MAPRE1: variants seen among roughly 807,000 people sequenced by gnomAD.
MAPRE1 encodes microtubule-associated protein RP/EB family member 1.
A neutral mutation model predicts 32.1 loss-of-function variants in MAPRE1; 5 were observed. That is an observed-to-expected ratio of 0.16 (90% CI 0.08 to 0.33). The LOEUF (loss-of-function observed/expected upper bound fraction) is 0.33, where lower values mean the gene tolerates loss of function less well. Ranked by LOEUF, MAPRE1 falls within the 10% of genes least tolerant of loss-of-function variation. The pLI is 1.00. For synonymous variants in MAPRE1, 122 were observed against 118.9 expected (o/e 1.03, Z -0.17); for missense variants, 209 against 327.2 (o/e 0.64, Z 2.79).
At chr20:32,840,614 C>T (rs1177211095) in intron 5 of MAPRE1, among the ~76,000 whole-genome samples, 3 of 152,000 alleles carry the variant, frequency 2.0e-5, no homozygotes, top group Admixed American at 2.0e-4. Flanking sequence ...TGTGAGTCAC[C>T]ACGCCTGGCT....
chr20:32,820,898 A>G (rs1433832340), intron 1 of MAPRE1, among the ~76,000 whole-genome samples: 2 of 152,210 alleles, frequency 1.3e-5, no homozygotes, highest in African/African-American at 4.8e-5. Flanking sequence ...TGTCTCTAAC[A>G]GTAGTAATGA....
At chr20:32,845,500 C>CT in intron 5 of MAPRE1, among the ~76,000 whole-genome samples, 1 of 152,244 alleles carries the variant, frequency 6.6e-6, no homozygotes, top group East Asian at 1.9e-4. Flanking sequence ...GTGGTGTCAC[C>CT]TGATCCTCAT....
chr20:32,846,385 T>G (rs1366423231), intron 5 of MAPRE1, among the ~76,000 whole-genome samples: 1 of 152,206 alleles, frequency 6.6e-6, no homozygotes, highest in Non-Finnish European at 1.5e-5. Flanking sequence ...GAGAAGCTTC[T>G]ACATGTTTCA....
chr20:32,840,073 T>C (rs1395703152), intron 5 of MAPRE1, among the ~76,000 whole-genome samples: 1 of 152,214 alleles, frequency 6.6e-6, no homozygotes, highest in African/African-American at 2.4e-5. Flanking sequence ...GGCAGAAGCC[T>C]GTGCTCGGAA....
At position 32,833,807 on chromosome 20, in the gene MAPRE1, A is replaced by G; in HGVS notation, c.212A>G (p.Tyr71Cys). ...TTCCAAGCTAAGCTAGAACACGAGT[A>G]CATCCAGAACTTCAAAATACTACAA... ...VKFQAKLEHE[Y>C]IQNFKILQAG... is the part of the protein sequence containing the mutation. Residue 71 changes from tyrosine to cysteine, a missense_variant, in exon 3 of 7, where the codon TAC becomes TGC. Coordinates refer to ENST00000375571, the MANE Select transcript of MAPRE1 (RefSeq NM_012325.3). 6.2e-7 allele frequency: 1 copy of G among 1,614,076 alleles called. No homozygotes were observed. The highest frequency in any genetic ancestry group is 8.5e-7 in the Non-Finnish European group (1 of 1,179,944).
At chr20:32,842,193 C>T (rs1245016887) in intron 5 of MAPRE1, among the ~76,000 whole-genome samples, 1 of 152,194 alleles carries the variant, frequency 6.6e-6, no homozygotes, top group Non-Finnish European at 1.5e-5. Context: ...TCACGCCATT[C>T]TCCTGCTTCG....
At chr20:32,819,850 C>G (rs1433232113), upstream of MAPRE1, 1 of 149,178 alleles carries the variant, frequency 6.7e-6, no homozygotes, top group African/African-American at 2.5e-5. Context: ...CGGCGCGCGG[C>G]TGAGACCCTC....
intron 4 of MAPRE1, among the ~76,000 whole-genome samples, chr20:32,838,592 A>G (rs1189932969): frequency 1.3e-5 from 2 of 152,180 alleles, no homozygotes; most frequent in Non-Finnish European, 2.9e-5. Context: ...CTGTTTTCCA[A>G]AGTGCCTCAG....
intron 6 of MAPRE1, among the ~76,000 whole-genome samples, chr20:32,848,413 A>G (rs1009850376): frequency 5.3e-5 from 8 of 152,198 alleles, no homozygotes; most frequent in South Asian, 2.1e-4. Context: ...ACCTTTGATG[A>G]CATGGGTGAA....
At chr20:32,820,061 T>G (rs1380013662) in intron 1 of MAPRE1, 33 bp downstream of exon 1, 1 of 141,546 alleles carries the variant, frequency 7.1e-6, no homozygotes, top group South Asian at 2.3e-4. Context: ...GGGGTGCGGC[T>G]GGGGGGGCGG....
In MAPRE1 at chr20:32,830,739, C is replaced by CTT. The variant is rs5841119; in HGVS notation, c.122-2964_122-2963dup. Among the ~76,000 whole-genome samples, 166 of 141,838 alleles carry CTT rather than the reference C, an allele frequency of 1.2e-3. 1 individual carries two copies. The highest frequency in any genetic ancestry group is 1.6e-3 in the Admixed American group (22 of 14,120). The allele number at this position is 141,838 out of a possible 152,430, so 93.1% of individuals were successfully genotyped here. ...CTGATCAAGGAAGTATCTCTTCAAA[C>CTT]TTTTTTTTTTTTTTTGAGGCGGAGT... On this transcript the variant is annotated intron_variant, in intron 2 of 6. Transcript: ENST00000375571.
At position 32,833,775 on chromosome 20, in the gene MAPRE1, A is replaced by G. The variant is rs750880538; in HGVS notation, c.180A>G (p.Lys60=). ...MLFPGSIALK[K]VKFQAKLEHE... is the part of the protein sequence containing the mutation. ...TCCCTGGCTCCATTGCCTTGAAGAA[A>G]GTGAAATTCCAAGCTAAGCTAGAAC... Residue 60 remains lysine (K), a synonymous_variant, in exon 3 of 7, where the codon AAA becomes AAG. Transcript: ENST00000375571. 6.2e-7 allele frequency: 1 copy of G among 1,614,142 alleles called. No individual in the cohort carries two copies. Among genetic ancestry groups the G allele is most frequent in the South Asian group, 1.1e-5 (1 of 91,084 alleles).
intron 5 of MAPRE1, among the ~76,000 whole-genome samples, chr20:32,845,211 T>G (rs2268322): frequency 0.16 from 23,534 of 151,824 alleles, 2,117 homozygotes; most frequent in East Asian, 0.35. Context: ...TGGCTAATTT[T>G]TAGATTTTTT....
At chr20:32,835,866 A>G (rs868072249) in intron 3 of MAPRE1, among the ~76,000 whole-genome samples, 2 of 151,872 alleles carry the variant, frequency 1.3e-5, no homozygotes, top group South Asian at 2.1e-4. Flanking sequence ...TTGACCTCCC[A>G]AAGTGTTGGG....
chr20:32,846,783 C>T lies in MAPRE1; in HGVS notation c.750+13C>T, dbSNP rs770068452. ...GTATGCCACAGATGTATGTGTTTGA[C>T]ATGAGGATATTTTCTTTCCATTTTA... On this transcript the variant is annotated intron_variant, in intron 6 of 6. Coordinates refer to ENST00000375571, the MANE Select transcript of MAPRE1 (RefSeq NM_012325.3). 7 of 1,613,310 alleles carry T rather than the reference C, an allele frequency of 4.3e-6. No homozygotes were observed. In the East Asian group the frequency reaches 8.9e-5, roughly 21 times the overall value.
chr20:32,821,931 C>T (rs1326806129), intron 1 of MAPRE1, among the ~76,000 whole-genome samples: 1 of 152,060 alleles, frequency 6.6e-6, no homozygotes, highest in Non-Finnish European at 1.5e-5. Context: ...ATGGGTCTTC[C>T]ATGGCTGCCA....
chr20:32,846,920 G>C (rs1337716478), intron 6 of MAPRE1, 150 bp downstream of exon 6: 1 of 794,722 alleles, frequency 1.3e-6, no homozygotes. Flanking sequence ...TCTCTGCCCA[G>C]CTTTAGCTTC....
chr20:32,844,839 G>A (rs933024173), intron 5 of MAPRE1, among the ~76,000 whole-genome samples: 4 of 152,166 alleles, frequency 2.6e-5, no homozygotes, highest in East Asian at 3.8e-4. Context: ...TCTGCTTCCC[G>A]CTGGGGCTGG....
intron 2 of MAPRE1, among the ~76,000 whole-genome samples, chr20:32,832,855 A>G (rs1362946587): frequency 1.1e-4 from 15 of 134,362 alleles, no homozygotes; most frequent in Non-Finnish European, 2.2e-4. Context: ...GGCCTGAGAG[A>G]ATCGCTTGAA....
Sources: gnomAD v4.1 joint callset for allele counts (sites outside exome capture counted in the v4.1 genomes callset) on GRCh38, gnomAD v4.1.1 for gene constraint, MANE v1.5 for transcripts, NCBI Gene and HGNC (gene_info 2026-07-23, HGNC 2026-07-21) for gene names.